ADAMTS18: variants seen among roughly 807,000 people sequenced by gnomAD.
The protein encoded by ADAMTS18 is A disintegrin and metalloproteinase with thrombospondin motifs 18.
In ADAMTS18, 157 loss-of-function variants were observed where a neutral mutation model predicts 165.9. That is an observed-to-expected ratio of 0.95 (90% CI 0.83 to 1.08). The LOEUF (loss-of-function observed/expected upper bound fraction) is 1.08. Among genes scored for constraint, ADAMTS18 ranks in the 50% least tolerant of loss-of-function variants. The probability of loss-of-function intolerance (pLI) is 0.00; values close to 1 mark genes in which losing one functional copy is unlikely to be tolerated. For missense variants in ADAMTS18, 2,040 were observed against 1,534.0 expected, an observed-to-expected ratio of 1.33 and a Z score of -5.51; for synonymous variants, 782 against 578.2, an observed-to-expected ratio of 1.35 and a Z score of -5.06.
Position 77,319,990 on chromosome 16 carries a change from C to T in ADAMTS18, c.2391G>A (p.Lys797=). 1.9e-6 allele frequency: 3 copies of T among 1,614,196 alleles called. No individual in the cohort carries two copies. Among genetic ancestry groups the T allele is most frequent in the Non-Finnish European group, 2.5e-6 (3 of 1,180,022 alleles). The change falls in exon 16 of 23, where the codon AAG becomes AAA. Residue 797 remains lysine (K), a synonymous_variant. Transcript: ENST00000282849. The part of the protein sequence containing the change: ...SYLAVRSLSQ[K]YYLTGGWSID... ...TGCTCCAGCCCCCGGTGAGGTAATA[C>T]TTTTGACTGAGGCTTCGAACTGCGA...
chr16:77,402,625 G>A (rs1597230653), intron 3 of ADAMTS18, among the ~76,000 whole-genome samples: 1 of 152,210 alleles, frequency 6.6e-6, no homozygotes, highest in South Asian at 2.1e-4. Flanking sequence ...ACTTTAAGTA[G>A]AAGATTTATT....
At chr16:77,382,725 G>T (rs1281328541) in intron 3 of ADAMTS18, among the ~76,000 whole-genome samples, 1 of 152,198 alleles carries the variant, frequency 6.6e-6, no homozygotes, top group Non-Finnish European at 1.5e-5. Flanking sequence ...AAGGCTGTTG[G>T]TGAACTGTGA....
At chr16:77,292,858 C>T (rs748984062) in intron 20 of ADAMTS18, among the ~76,000 whole-genome samples, 95 of 151,986 alleles carry the variant, frequency 6.3e-4, no homozygotes, top group South Asian at 8.3e-4. Flanking sequence ...CTCACTCTGT[C>T]GCCCAGGCTG....
chr16:77,391,476 C>G (rs1382327455), intron 3 of ADAMTS18, among the ~76,000 whole-genome samples: 1 of 147,758 alleles, frequency 6.8e-6, no homozygotes, highest in African/African-American at 2.5e-5. Context: ...TGGGCAACAG[C>G]GCAAGACTCA....
chr16:77,390,936 A>G (rs2057178113), intron 3 of ADAMTS18, among the ~76,000 whole-genome samples: 1 of 152,204 alleles, frequency 6.6e-6, no homozygotes. Flanking sequence ...GGAAAGTTCT[A>G]TGGAACAGCA....
chr16:77,338,316 G>C (rs2056342965), intron 11 of ADAMTS18, among the ~76,000 whole-genome samples: 1 of 152,048 alleles, frequency 6.6e-6, no homozygotes, highest in Non-Finnish European at 1.5e-5. Context: ...GCACACTGTA[G>C]CCTCCACCTC....
At position 77,322,474 on chromosome 16, in the gene ADAMTS18, C is replaced by A. The variant is rs958069879; in HGVS notation, c.2033-8G>T. ...GTTTGCATCGATCTTCCTCTAGAAA[C>A]AAAGAGATCAAGATAGGAAATGGTC... is the stretch of plus-strand genomic sequence containing the variant. On this transcript the variant is annotated splice_polypyrimidine_tract_variant and splice_region_variant and intron_variant, in intron 13 of 22. Transcript: ENST00000282849. 4 of 1,613,376 alleles carry A rather than the reference C, an allele frequency of 2.5e-6. No individual in the cohort carries two copies. In the African/African-American group the frequency reaches 5.4e-5, roughly 22 times the overall value.
Position 77,283,934 on chromosome 16 carries a change from G to T in ADAMTS18, c.*22C>A. ...TTGAAAGGTAAGCCCCTGGCCCTAA[G>T]GTGCTGGGGAGGACACCAAGATCAG... On this transcript the variant is annotated 3_prime_UTR_variant, in exon 23 of 23. Transcript: ENST00000282849. 2 of 1,586,088 alleles carry T rather than the reference G, an allele frequency of 1.3e-6. No individual in the cohort carries two copies. Among genetic ancestry groups the T allele is most frequent in the Middle Eastern group, 1.7e-4 (1 of 6,012 alleles).
chr16:77,412,288 A>G (rs1442542195), intron 3 of ADAMTS18, among the ~76,000 whole-genome samples: 1 of 152,150 alleles, frequency 6.6e-6, no homozygotes, highest in Non-Finnish European at 1.5e-5. Context: ...GGGACTTCTC[A>G]GTCTTTATAA....
intron 4 of ADAMTS18, among the ~76,000 whole-genome samples, chr16:77,365,048 G>T (rs1418013732): frequency 6.6e-6 from 1 of 152,132 alleles, no homozygotes; most frequent in African/African-American, 2.4e-5. Context: ...AGAAGTTGCA[G>T]TGAGCCAAGA....
At chr16:77,397,909 A>G (rs1341712180) in intron 3 of ADAMTS18, among the ~76,000 whole-genome samples, 7 of 152,214 alleles carry the variant, frequency 4.6e-5, no homozygotes, top group African/African-American at 9.6e-5. Context: ...GTGTTGTCCT[A>G]TGTACAGCAA....
At chr16:77,425,681 A>G (rs1183338833) in intron 3 of ADAMTS18, among the ~76,000 whole-genome samples, 3 of 152,214 alleles carry the variant, frequency 2.0e-5, no homozygotes, top group Admixed American at 2.0e-4. Context: ...TCTCAGACTT[A>G]GGAATTGCTC....
rs556138435 is a variant in ADAMTS18, at chr16:77,317,890, CAGA to C, written c.2532+1956_2532+1958del. Among the ~76,000 whole-genome samples, 208 of 152,244 alleles carry C rather than the reference CAGA, an allele frequency of 1.4e-3. 1 individual carries two copies. The highest frequency in any genetic ancestry group is 2.1e-3 in the Non-Finnish European group (146 of 68,022). On this transcript the variant is annotated intron_variant, in intron 16 of 22. Transcript: ENST00000282849. ...GATAAATTGAGTGCTTCAGTTTAGA[CAGA>C]AGAAGTAGCTACCTCTGAAAAATTG...
At chr16:77,324,307 C>A (rs1014089425) in intron 13 of ADAMTS18, among the ~76,000 whole-genome samples, 1 of 152,204 alleles carries the variant, frequency 6.6e-6, no homozygotes, top group African/African-American at 2.4e-5. Context: ...TCCGCTGGGA[C>A]CTGCTGTGCA....
intron 18 of ADAMTS18, among the ~76,000 whole-genome samples, 193 bp downstream of exon 18, chr16:77,297,096 C>T (rs1292271938): frequency 6.6e-6 from 1 of 152,206 alleles, no homozygotes; most frequent in Non-Finnish European, 1.5e-5. Context: ...CCCTCTTCAG[C>T]CTCCCAAGTA....
intron 3 of ADAMTS18, among the ~76,000 whole-genome samples, chr16:77,378,676 C>G (rs529379030): frequency 8.8e-4 from 134 of 152,118 alleles, no homozygotes; most frequent in African/African-American, 3.1e-3. Context: ...GATCACACCA[C>G]TGCACTCCAA....
intron 3 of ADAMTS18, among the ~76,000 whole-genome samples, chr16:77,407,957 C>A (rs1248329484): frequency 2.0e-5 from 3 of 151,606 alleles, no homozygotes; most frequent in Non-Finnish European, 4.4e-5. Flanking sequence ...ATTAAAAAGC[C>A]ATTAAAAGGA....
At chr16:77,332,601 A>C (rs2056207776) in intron 12 of ADAMTS18, among the ~76,000 whole-genome samples, 2 of 152,214 alleles carry the variant, frequency 1.3e-5, no homozygotes, top group South Asian at 4.1e-4. Flanking sequence ...GAGTCTTTCT[A>C]TCTATCGCCA....
Position 77,431,373 on chromosome 16 carries a change from C to G in ADAMTS18, c.417G>C (p.Glu139Asp). Residue 139 changes from glutamate to aspartate, a missense_variant, in exon 3 of 23, where the codon GAG (glutamate) becomes GAC (aspartate). Transcript: ENST00000282849. ...ATCCCTGATAGAAGCATTGCTGCAC[C>G]TCGGGTTTCTGAGTCTCTGAAGCAC... ...KDGASETQKP[E>D]VQQCFYQGFI... is the part of the protein sequence containing the mutation. 6.2e-7 allele frequency: 1 copy of G among 1,614,094 alleles called. No homozygotes were observed. Among genetic ancestry groups the G allele is most frequent in the Non-Finnish European group, 8.5e-7 (1 of 1,180,040 alleles).
Sources: allele counts gnomAD v4.1 joint callset (sites outside exome capture counted in the v4.1 genomes callset), GRCh38; gene constraint gnomAD v4.1.1; transcripts MANE v1.5; gene names NCBI Gene and HGNC (gene_info 2026-07-23, HGNC 2026-07-21).